PHLDB2: variants seen among roughly 807,000 people sequenced by gnomAD.
PHLDB2 encodes the protein pleckstrin homology-like domain family B member 2.
In PHLDB2, 71 loss-of-function variants were observed where a neutral mutation model predicts 123.6. That is an observed-to-expected ratio of 0.57 (90% CI 0.47 to 0.70). PHLDB2 has a LOEUF of 0.70. Among genes scored for constraint, PHLDB2 ranks in the 30% least tolerant of loss-of-function variants. The pLI, the probability that PHLDB2 is intolerant of heterozygous loss-of-function variation, is 0.00. For synonymous variants in PHLDB2, 547 were observed against 541.6 expected, an observed-to-expected ratio of 1.01 and a Z score of -0.14; for missense variants, 1,446 against 1,519.5, an observed-to-expected ratio of 0.95 and a Z score of 0.80.
intron 2 of PHLDB2, among the ~76,000 whole-genome samples, chr3:111,850,446 T>G (rs1162418826): frequency 6.6e-6 from 1 of 152,188 alleles, no homozygotes; most frequent in East Asian, 1.9e-4. Context: ...AAAAAGCTGT[T>G]GAAATTTTAA....
At chr3:111,918,106 A>G (rs12493285) in intron 3 of PHLDB2, among the ~76,000 whole-genome samples, 53,583 of 152,050 alleles carry the variant, frequency 0.35, 10,079 homozygotes, top group East Asian at 0.71. Context: ...GTGATATCCA[A>G]GATAACTAAC....
chr3:111,823,995 T>C (rs1217459026), intron 1 of PHLDB2, among the ~76,000 whole-genome samples: 3 of 152,190 alleles, frequency 2.0e-5, no homozygotes, highest in Non-Finnish European at 2.9e-5. Context: ...TTTCCTCTAT[T>C]AAGAGTGAGC....
At chr3:111,893,054 T>C (rs1332751860) in intron 2 of PHLDB2, among the ~76,000 whole-genome samples, 1 of 151,404 alleles carries the variant, frequency 6.6e-6, no homozygotes, top group East Asian at 2.0e-4. Context: ...TGCTTCTCTA[T>C]TTGCTTCTTG....
intron 1 of PHLDB2, among the ~76,000 whole-genome samples, chr3:111,827,272 T>C (rs57919541): frequency 0.17 from 25,539 of 152,056 alleles, 3,024 homozygotes; most frequent in East Asian, 0.31. Context: ...GCCCTTAGTA[T>C]GGCTTTTAAG....
At position 111,829,333 on chromosome 3, in the gene PHLDB2, C is replaced by A. The variant is rs967938038; in HGVS notation, c.-48-16488C>A. ...AACTAGCCAATGGATTGTTTCTCCT[C>A]CCTAAAGGAAGGTATCATGCTCACT... is the stretch of plus-strand genomic sequence containing the variant. On this transcript the variant is annotated intron_variant, in intron 1 of 17. Transcript: ENST00000393923. Among the ~76,000 whole-genome samples the A allele has an allele frequency of 2.0e-5, 3 of 151,584 alleles. No homozygotes were observed. In the East Asian group the frequency reaches 5.8e-4, roughly 29 times the overall value.
intron 9 of PHLDB2, among the ~76,000 whole-genome samples, chr3:111,947,866 T>C (rs2070419948): frequency 6.6e-6 from 1 of 152,212 alleles, no homozygotes; most frequent in Non-Finnish European, 1.5e-5. Context: ...AATCAAGGTT[T>C]TTTATTTTTC....
intron 1 of PHLDB2, among the ~76,000 whole-genome samples, chr3:111,797,657 C>T (rs989175872): frequency 6.6e-6 from 1 of 152,192 alleles, no homozygotes; most frequent in African/African-American, 2.4e-5. Flanking sequence ...TGTAAATCTG[C>T]TAAATATGTT....
upstream of PHLDB2, among the ~76,000 whole-genome samples, chr3:111,858,936 T>C (rs1375961387): frequency 1.3e-5 from 2 of 152,190 alleles, no homozygotes. Flanking sequence ...GACCTCTACA[T>C]CAGCATTGTT....
At position 111,842,286 on chromosome 3, in the gene PHLDB2, T is replaced by G. The variant is rs553108414; in HGVS notation, c.-48-3535T>G. On this transcript the variant is annotated intron_variant, in intron 1 of 17. Transcript: ENST00000393923. The stretch of plus-strand genomic sequence containing the variant: ...TTTTTCTTTAAAGACTATTTTTTGG[T>G]TCACAGCAAAATTGAGATGAAGGTA... 3.5e-4 allele frequency among the ~76,000 whole-genome samples: 53 copies of G among 152,294 alleles called. 1 individual carries two copies. The highest frequency in any genetic ancestry group is 2.0e-3 in the Admixed American group (30 of 15,296).
At chr3:111,954,615 A>G (rs1265446453) in intron 12 of PHLDB2, among the ~76,000 whole-genome samples, 1 of 152,222 alleles carries the variant, frequency 6.6e-6, no homozygotes, top group African/African-American at 2.4e-5. Context: ...GGCTAGAAGA[A>G]ATTACTGTAA....
chr3:111,868,643 G>A (rs58788879), intron 1 of PHLDB2, among the ~76,000 whole-genome samples: 2,765 of 151,880 alleles, frequency 0.018, 79 homozygotes, highest in African/African-American at 0.063. Context: ...ATATGTGTGT[G>A]TATATATATT....
At chr3:111,954,917 C>T (rs946649462) in intron 12 of PHLDB2, among the ~76,000 whole-genome samples, 9 of 152,096 alleles carry the variant, frequency 5.9e-5, no homozygotes, top group Non-Finnish European at 1.2e-4. Flanking sequence ...CAAATACATT[C>T]ATGCAGTGAT....
At position 111,913,603 on chromosome 3, in the gene PHLDB2, T is replaced by C. The variant is rs747238759; in HGVS notation, c.1620T>C (p.Asn540=). The change falls in exon 3 of 18, where the codon AAT becomes AAC. Residue 540 remains asparagine (N), a synonymous_variant. Transcript: ENST00000431670. ...ASFFTPRSTR[N]DELLSDLTRT... is the part of the protein sequence containing the mutation. ...TCTTTACCCCCAGGAGCACCAGGAATGATGAACTACTCAGTGACCTCACCC... is the reference window on the plus strand; with the variant it reads ...TCTTTACCCCCAGGAGCACCAGGAACGATGAACTACTCAGTGACCTCACCC... 2.5e-6 allele frequency: 4 copies of C among 1,614,138 alleles called. No individual in the cohort carries two copies. Among genetic ancestry groups the C allele is most frequent in the Non-Finnish European group, 3.4e-6 (4 of 1,180,032 alleles).
intron 1 of PHLDB2, among the ~76,000 whole-genome samples, chr3:111,843,925 T>C (rs2063812016): frequency 6.6e-6 from 1 of 152,208 alleles, no homozygotes; most frequent in Non-Finnish European, 1.5e-5. Context: ...GCCTTGTTCT[T>C]CATAGACAAA....
At chr3:111,808,686 T>A (rs1045994630) in intron 1 of PHLDB2, among the ~76,000 whole-genome samples, 1 of 152,096 alleles carries the variant, frequency 6.6e-6, no homozygotes, top group African/African-American at 2.4e-5. Context: ...ACAAATACAA[T>A]CTGCATGGAC....
At chr3:111,841,821 T>C (rs1052572665) in intron 1 of PHLDB2, among the ~76,000 whole-genome samples, 2 of 152,176 alleles carry the variant, frequency 1.3e-5, no homozygotes, top group African/African-American at 4.8e-5. Flanking sequence ...TGTCTACCAC[T>C]CTAAGACTGA....
Position 111,973,727 on chromosome 3 carries a change from T to C in PHLDB2, c.3536-5T>C, listed in dbSNP as rs200423088. The C allele has an allele frequency of 2.2e-5, 35 of 1,570,748 alleles. 1 individual carries two copies. The East Asian group carries it at 7.9e-4, about 35-fold the overall frequency. ...AAAGTATTTAACACTTATCTGTCTT[T>C]GCAGACAAGCATGAAACTAAATTGA... On this transcript the variant is annotated splice_region_variant and splice_polypyrimidine_tract_variant and intron_variant, in intron 16 of 17. Transcript: ENST00000431670.
intron 1 of PHLDB2, among the ~76,000 whole-genome samples, chr3:111,820,371 C>A (rs1256812977): frequency 6.6e-6 from 1 of 152,118 alleles, no homozygotes. Flanking sequence ...TCTTGGAAAA[C>A]AAAATTGAAG....
chr3:111,928,834 T>A (rs1023699541), intron 5 of PHLDB2, among the ~76,000 whole-genome samples: 23 of 152,224 alleles, frequency 1.5e-4, no homozygotes, highest in African/African-American at 5.3e-4. Context: ...GTGAGAACAG[T>A]GCTGTCTCTA....
Sources: gnomAD v4.1 joint callset for allele counts (sites outside exome capture counted in the v4.1 genomes callset) on GRCh38, gnomAD v4.1.1 for gene constraint, MANE v1.5 for transcripts, NCBI Gene and HGNC (gene_info 2026-07-23, HGNC 2026-07-21) for gene names.